SEC16A: variants seen among roughly 807,000 people sequenced by gnomAD.
The protein encoded by SEC16A is protein transport protein Sec16A.
In SEC16A, 110 loss-of-function variants were observed where a neutral mutation model predicts 221.9. That is an observed-to-expected ratio of 0.50 (90% CI 0.42 to 0.58). SEC16A has a LOEUF of 0.58. Ranked by LOEUF, SEC16A falls within the 20% of genes least tolerant of loss-of-function variation. SEC16A has a pLI of 0.00. For synonymous variants in SEC16A, 1,393 were observed against 1,257.7 expected (o/e 1.11, Z -2.28); for missense variants, 3,165 against 3,097.8 (o/e 1.02, Z -0.52).
chr9:136,474,201 G>T lies in SEC16A; in HGVS notation c.3415C>A (p.Pro1139Thr). ...SGQAAVPSEQ[P>T]WPQPVPALAP... Reference sequence around the variant, plus strand: ...AGTGCAGGCACTGGCTGTGGCCACGGCTGCTCTGACGGCACAGCTGCCTGG... The same window carrying T: ...AGTGCAGGCACTGGCTGTGGCCACGTCTGCTCTGACGGCACAGCTGCCTGG... The change falls in exon 3 of 32, where the codon CCG becomes ACG. Residue 1139 changes from proline (P) to threonine (T), a missense_variant. Pro to Thr is a conservative substitution (Grantham distance 38, BLOSUM62 -1). Coordinates refer to ENST00000684901, the MANE Select transcript of SEC16A (RefSeq NM_014866.2). 6.2e-7 allele frequency: 1 copy of T among 1,611,816 alleles called. No individual in the cohort carries two copies. Among genetic ancestry groups the T allele is most frequent in the East Asian group, 2.2e-5 (1 of 44,856 alleles).
upstream of SEC16A, chr9:136,484,510 T>C: frequency 8.0e-7 from 1 of 1,247,020 alleles, no homozygotes; most frequent in South Asian, 1.4e-5. Context: ...GCGGCCTTCC[T>C]CTGCTGCTCC....
chr9:136,479,844 CA>C lies in SEC16A; in HGVS notation c.-191-1015del, dbSNP rs374420553. 2.4e-4 allele frequency among the ~76,000 whole-genome samples: 35 copies of C among 146,474 alleles called. 1 individual carries two copies. The highest frequency in any genetic ancestry group is 1.4e-4 in the Non-Finnish European group (9 of 66,144). On this transcript the variant is annotated intron_variant, in intron 1 of 31. Coordinates refer to ENST00000684901, the MANE Select transcript of SEC16A (RefSeq NM_014866.2). ...GCAACACACAGCGATACCCCATCACCAAAAAAAAAATGCCGGTCGTGGTGGT... is the reference window on the plus strand; with the variant it reads ...GCAACACACAGCGATACCCCATCACCAAAAAAAAATGCCGGTCGTGGTGGT...
chr9:136,475,191 A>C lies in SEC16A; in HGVS notation c.2425T>G (p.Ser809Ala), dbSNP rs770490224. The C allele has an allele frequency of 6.2e-7, 1 of 1,613,694 alleles. No individual in the cohort carries two copies. The highest frequency in any genetic ancestry group is 1.3e-5 in the African/African-American group (1 of 74,914). ...EEEALQSQAS[S>A]GYASLLSSPP... ...GAGGATAATAAACTTGCATAACCAG[A>C]ACTCGCCTGGGACTGAAGGGCCTCC... Residue 809 changes from serine (S) to alanine (A), a missense_variant, in exon 3 of 32, where the codon TCT becomes GCT. Coordinates refer to ENST00000684901, the MANE Select transcript of SEC16A (RefSeq NM_014866.2). The surrounding 1 kb of genome is among the most constrained non-coding windows in gnomAD (Gnocchi z 5.0).
intron 28 of SEC16A, among the ~76,000 whole-genome samples, chr9:136,446,445 T>G (rs994521429): frequency 3.4e-5 from 5 of 145,800 alleles, no homozygotes; most frequent in Non-Finnish European, 7.7e-5. Flanking sequence ...GAGTCATTTG[T>G]TTTTTGTTTT....
chr9:136,476,785 A>G lies in SEC16A; in HGVS notation c.831T>C (p.Ser277=), dbSNP rs1019362733. 10 of 1,611,260 alleles carry G rather than the reference A, an allele frequency of 6.2e-6. No individual in the cohort carries two copies. Among genetic ancestry groups the G allele is most frequent in the Non-Finnish European group, 8.5e-6 (10 of 1,178,106 alleles). ...PLVAPPAALP[S]DGRDEVSHLQ... is the part of the protein sequence containing the mutation. ...AGTGGCTCACCTCGTCTCTTCCGTC[A>G]CTGGGCAAGGCTGCTGGGGGAGCCA... The change falls in exon 3 of 32, where the codon AGT becomes AGC. Residue 277 remains serine, a synonymous_variant. Coordinates refer to ENST00000684901, the MANE Select transcript of SEC16A (RefSeq NM_014866.2).
chr9:136,483,079 C>G, upstream of SEC16A: 1 of 946,266 alleles, frequency 1.1e-6, no homozygotes, highest in Non-Finnish European at 1.3e-6. Flanking sequence ...CCGACGTGTC[C>G]GGCTTACGAC....
intron 5 of SEC16A, 123 bp from the exon 6 acceptor site, chr9:136,467,206 T>A: frequency 8.8e-7 from 1 of 1,138,500 alleles, no homozygotes; most frequent in African/African-American, 1.6e-5. Context: ...GAAACCCAGC[T>A]TCTTCCTGGA....
chr9:136,467,669 G>C (rs1474373413), intron 5 of SEC16A, among the ~76,000 whole-genome samples: 1 of 152,186 alleles, frequency 6.6e-6, no homozygotes, highest in Non-Finnish European at 1.5e-5. Context: ...ACCATTTTCA[G>C]CAAGTGTTTT....
chr9:136,466,637 G>A lies in SEC16A; in HGVS notation c.3930-175C>T, dbSNP rs750411732. ...AACGTTAGAGAAGTACTGCGAATGCGTCTCCAGTGTGGTCACTTCTCTGGG... is the reference window on the plus strand; with the variant it reads ...AACGTTAGAGAAGTACTGCGAATGCATCTCCAGTGTGGTCACTTCTCTGGG... On this transcript the variant is annotated intron_variant, in intron 6 of 31. Coordinates refer to ENST00000684901, the MANE Select transcript of SEC16A (RefSeq NM_014866.2). This position sits in a 1 kb window ranked among gnomAD's most constrained non-coding sequence, Gnocchi z 5.5. Among the ~76,000 whole-genome samples the A allele has an allele frequency of 2.1e-4, 32 of 152,294 alleles. No homozygotes were observed. The highest frequency in any genetic ancestry group is 4.1e-4 in the Non-Finnish European group (28 of 68,012).
chr9:136,460,238 G>A (rs542518498), intron 13 of SEC16A, 115 bp from the exon 14 acceptor site: 31 of 741,028 alleles, frequency 4.2e-5, no homozygotes, highest in Non-Finnish European at 6.1e-5. Context: ...CAAAGTGGGC[G>A]GATCACCTGA....
At position 136,476,599 on chromosome 9, in the gene SEC16A, C is replaced by T. The variant is rs1564539341; in HGVS notation, c.1017G>A (p.Arg339=). 1 of 1,600,300 alleles carries T rather than the reference C, an allele frequency of 6.2e-7. No homozygotes were observed. The highest frequency in any genetic ancestry group is 8.5e-7 in the Non-Finnish European group (1 of 1,171,158). Residue 339 remains arginine (R), a synonymous_variant, in exon 3 of 32, where the codon CGG becomes CGA. Coordinates refer to ENST00000684901, the MANE Select transcript of SEC16A (RefSeq NM_014866.2). ...GCGTACGGTTTTCTGGGCTATCTCCCCGGGCGAGGGGGTTCACAAGAGCAG... is the reference window on the plus strand; with the variant it reads ...GCGTACGGTTTTCTGGGCTATCTCCTCGGGCGAGGGGGTTCACAAGAGCAG... ...PASALVNPLA[R]GDSPENRTHH...
chr9:136,454,216 C>T lies in SEC16A; in HGVS notation c.5969G>A (p.Gly1990Glu), dbSNP rs776171898. 10 of 1,567,794 alleles carry T rather than the reference C, an allele frequency of 6.4e-6. No individual in the cohort carries two copies. In the East Asian group the frequency reaches 2.3e-4, roughly 37 times the overall value. ...LEPGPGCVTP[G>E]PALGFLEPSG... ...GGGCTCCAGGAAGCCAAGTGCAGGC[C>T]CTGGGGTCACACAGCCAGGACCCGG... Residue 1990 changes from glycine (G) to glutamate (E), a missense_variant, in exon 21 of 32, where the codon GGG (glycine) becomes GAG (glutamate). Physicochemically the swap from Gly to Glu is moderately conservative, Grantham distance 98. Transcript: ENST00000684901.
chr9:136,468,736 G>A (rs971514841), intron 4 of SEC16A, among the ~76,000 whole-genome samples: 1 of 152,208 alleles, frequency 6.6e-6, no homozygotes, highest in African/African-American at 2.4e-5. Context: ...AGAGCCGTTC[G>A]GCTAAAAAGA....
chr9:136,460,050 C>G lies in SEC16A; in HGVS notation c.5065G>C (p.Ala1689Pro). ...CAGGCAGTGCCACTCACCGTGGACG[C>G]GGCAGGCATCCGTCCGGACATGAGC... ...YQLMSGRMPAASTCCGDEKWG... is the reference protein window; with the variant it reads ...YQLMSGRMPAPSTCCGDEKWG... Residue 1689 changes from alanine (A) to proline (P), a missense_variant, in exon 14 of 32, where the codon GCG (alanine) becomes CCG (proline). Physicochemically the swap from Ala to Pro is conservative, Grantham distance 27. Coordinates refer to ENST00000684901, the MANE Select transcript of SEC16A (RefSeq NM_014866.2). The G allele has an allele frequency of 6.2e-7, 1 of 1,603,524 alleles. No homozygotes were observed. Among genetic ancestry groups the G allele is most frequent in the Non-Finnish European group, 8.5e-7 (1 of 1,175,000 alleles).
chr9:136,478,651 C>CA (rs1564547594), intron 2 of SEC16A, among the ~76,000 whole-genome samples, 58 bp downstream of exon 2: 1 of 151,964 alleles, frequency 6.6e-6, no homozygotes, highest in Non-Finnish European at 1.5e-5. Flanking sequence ...GCCTGGGCAA[C>CA]ATAGCAAGAC....
rs1838272057 is a variant in SEC16A, at chr9:136,454,153, T to C, written c.6032A>G (p.Gln2011Arg). The C allele has an allele frequency of 2.6e-6, 4 of 1,555,188 alleles. No individual in the cohort carries two copies. Among genetic ancestry groups the C allele is most frequent in the Admixed American group, 1.9e-5 (1 of 51,340 alleles). The change falls in exon 21 of 32, where the codon CAG (glutamine) becomes CGG (arginine). Residue 2011 changes from glutamine to arginine, a missense_variant. Coordinates refer to ENST00000684901, the MANE Select transcript of SEC16A (RefSeq NM_014866.2). ...PGLPPGVPPL[Q>R]ERRHLLQEAR... ...TTCCTGGAGCAAGTGTCTCCTTTCCTGCAGAGGTGGCACACCAGGTGGGAG... is the reference window on the plus strand; with the variant it reads ...TTCCTGGAGCAAGTGTCTCCTTTCCCGCAGAGGTGGCACACCAGGTGGGAG...
intron 23 of SEC16A, among the ~76,000 whole-genome samples, chr9:136,449,268 T>C (rs891484391): frequency 1.3e-4 from 19 of 151,696 alleles, no homozygotes; most frequent in Non-Finnish European, 2.5e-4. Flanking sequence ...GTTAGTTTTC[T>C]GAGACAGAGT....
At chr9:136,472,433 G>C (rs866822216) in intron 3 of SEC16A, among the ~76,000 whole-genome samples, 5 of 152,232 alleles carry the variant, frequency 3.3e-5, no homozygotes, top group African/African-American at 1.2e-4. Flanking sequence ...CATGTCAGCA[G>C]ACAACCCCAG....
chr9:136,465,227 G>A (rs1839993714), intron 8 of SEC16A, among the ~76,000 whole-genome samples: 1 of 152,240 alleles, frequency 6.6e-6, no homozygotes, highest in Admixed American at 6.5e-5. Flanking sequence ...GAGGAGGATG[G>A]ATCACTTGAG....
Sources: allele counts gnomAD v4.1 joint callset (sites outside exome capture counted in the v4.1 genomes callset), GRCh38; gene constraint gnomAD v4.1.1; non-coding constraint Gnocchi (gnomAD v3.1); transcripts MANE v1.5; gene names NCBI Gene and HGNC (gene_info 2026-07-23, HGNC 2026-07-21).